Variants in NF1 observed in about 807,000 individuals in gnomAD.
NF1 encodes neurofibromin.
A neutral mutation model predicts 325.7 loss-of-function variants in NF1; 122 were observed. That is an observed-to-expected ratio of 0.37 (90% CI 0.32 to 0.44). The LOEUF (loss-of-function observed/expected upper bound fraction) is 0.44. Among genes scored for constraint, NF1 ranks in the 20% least tolerant of loss-of-function variants. NF1 has a pLI of 1.00. For missense variants in NF1, 2,140 were observed against 3,415.4 expected (o/e 0.63, Z 9.31); for synonymous variants, 1,091 against 1,186.0 (o/e 0.92, Z 1.65).
intron 57 of NF1, among the ~76,000 whole-genome samples, chr17:31,362,590 TC>T (rs1423071462): frequency 2.0e-5 from 3 of 152,252 alleles, no homozygotes; most frequent in Non-Finnish European, 2.9e-5. Context: ...ATTACTTCTG[TC>T]TGCCTTGCCT....
At position 31,115,556 on chromosome 17, in the gene NF1, A is replaced by G. The variant is rs541246446; in HGVS notation, c.60+20187A>G. Among the ~76,000 whole-genome samples the G allele has an allele frequency of 2.6e-5, 4 of 152,284 alleles. No individual in the cohort carries two copies. In the East Asian group the frequency reaches 7.7e-4, roughly 29 times the overall value. On this transcript the variant is annotated intron_variant, in intron 1 of 57. Coordinates refer to ENST00000358273, the MANE Select transcript of NF1 (RefSeq NM_001042492.3). ...TTGTATTCTAGCTATGGGGAAAACAATATTGTATATTGCTCATTGATCCAC... is the reference window on the plus strand; with the variant it reads ...TTGTATTCTAGCTATGGGGAAAACAGTATTGTATATTGCTCATTGATCCAC...
At chr17:31,117,640 T>C (rs1268496780) in intron 1 of NF1, among the ~76,000 whole-genome samples, 1 of 111,662 alleles carries the variant, frequency 9.0e-6, no homozygotes, top group Admixed American at 1.4e-4. Flanking sequence ...GCCTCTGCAC[T>C]CCAGCCTGGG....
chr17:31,106,097 G>T (rs1034164209), intron 1 of NF1, among the ~76,000 whole-genome samples: 4 of 152,300 alleles, frequency 2.6e-5, no homozygotes, highest in Non-Finnish European at 5.9e-5. Flanking sequence ...TTGGGCATGA[G>T]AAAACAACTT....
At position 31,232,685 on chromosome 17, in the gene NF1, C is replaced by T. The variant is rs773413104; in HGVS notation, c.3315-15C>T. The stretch of plus-strand genomic sequence containing the variant: ...CGGCCTTCACTATGTAAAGGTCAGT[C>T]TTTTTATTTCTCAGATACTTCACAT... On this transcript the variant is annotated splice_polypyrimidine_tract_variant and intron_variant, in intron 25 of 57. Coordinates refer to ENST00000358273, the MANE Select transcript of NF1 (RefSeq NM_001042492.3). 1 of 1,612,632 alleles carries T rather than the reference C, an allele frequency of 6.2e-7. No homozygotes were observed. Among genetic ancestry groups the T allele is most frequent in the Non-Finnish European group, 8.5e-7 (1 of 1,179,196 alleles).
At chr17:31,161,084 A>C in intron 3 of NF1, among the ~76,000 whole-genome samples, 1 of 152,228 alleles carries the variant, frequency 6.6e-6, no homozygotes, top group Middle Eastern at 3.2e-3. Context: ...AACGGAGCTC[A>C]CAAGTATACG....
At chr17:31,104,160 C>T (rs1912638884) in intron 1 of NF1, among the ~76,000 whole-genome samples, 1 of 152,056 alleles carries the variant, frequency 6.6e-6, no homozygotes, top group Non-Finnish European at 1.5e-5. Flanking sequence ...TTATTTTTTA[C>T]ATCTTTGTTC....
At chr17:31,310,938 T>C (rs1483320658) in intron 36 of NF1, among the ~76,000 whole-genome samples, 1 of 151,266 alleles carries the variant, frequency 6.6e-6, no homozygotes, top group Non-Finnish European at 1.5e-5. Flanking sequence ...ATAAGACATG[T>C]TCTTTTTTTT....
chr17:31,198,628 T>TG (rs112694618), intron 8 of NF1, among the ~76,000 whole-genome samples: 2,280 of 148,894 alleles, frequency 0.015, 74 homozygotes, highest in African/African-American at 0.054. Context: ...GTTGAGGGGG[T>TG]GGGGGGGATA....
intron 8 of NF1, among the ~76,000 whole-genome samples, chr17:31,187,981 C>T (rs1041540577): frequency 2.2e-4 from 33 of 152,128 alleles, no homozygotes; most frequent in African/African-American, 7.7e-4. Flanking sequence ...TACTCCATAG[C>T]GGAGGTAAAG....
chr17:31,159,932 A>G (rs1156354739), intron 3 of NF1, among the ~76,000 whole-genome samples: 1 of 152,156 alleles, frequency 6.6e-6, no homozygotes, highest in East Asian at 1.9e-4. Context: ...CTATAGTGAA[A>G]CTAGTTGAAA....
chr17:31,277,594 T>C (rs902526703), intron 36 of NF1, among the ~76,000 whole-genome samples: 2 of 152,140 alleles, frequency 1.3e-5, no homozygotes, highest in African/African-American at 2.4e-5. Flanking sequence ...GAGGGTATCA[T>C]TGGGCTCCCC....
At chr17:31,121,902 A>G (rs1367739083) in intron 1 of NF1, among the ~76,000 whole-genome samples, 1 of 152,148 alleles carries the variant, frequency 6.6e-6, no homozygotes, top group African/African-American at 2.4e-5. Context: ...TCATCCTACA[A>G]AAATTATTCT....
At chr17:31,312,003 A>G (rs982018006) in intron 36 of NF1, among the ~76,000 whole-genome samples, 2 of 152,214 alleles carry the variant, frequency 1.3e-5, no homozygotes, top group Non-Finnish European at 2.9e-5. Context: ...AAGAATTTGG[A>G]ATGGTTTCTA....
intron 8 of NF1, among the ~76,000 whole-genome samples, chr17:31,185,193 C>T (rs1195718406): frequency 1.3e-5 from 2 of 152,202 alleles, no homozygotes; most frequent in Non-Finnish European, 2.9e-5. Context: ...CCACCCCCAA[C>T]ACCCCTGTTT....
intron 1 of NF1, among the ~76,000 whole-genome samples, chr17:31,097,805 T>A (rs568664326): frequency 2.6e-5 from 4 of 152,250 alleles, no homozygotes; most frequent in African/African-American, 9.6e-5. Flanking sequence ...CACGTGATTC[T>A]CCTGCTTCAG....
intron 36 of NF1, among the ~76,000 whole-genome samples, chr17:31,288,593 G>T (rs2068287460): frequency 6.7e-6 from 1 of 149,056 alleles, no homozygotes; most frequent in Non-Finnish European, 1.5e-5. Flanking sequence ...CTGGAGTGCA[G>T]TGGCATGATC....
chr17:31,200,939 G>A lies in NF1; in HGVS notation c.1063-98G>A, dbSNP rs563517462. 5 of 1,541,184 alleles carry A rather than the reference G, an allele frequency of 3.2e-6. No individual in the cohort carries two copies. In the African/African-American group the frequency reaches 6.8e-5, roughly 21 times the overall value. ...CTTCTTCTGGCAGCTGGATTTTACT[G>A]CCATTTGTGTGGGTAATGTGTTGAT... On this transcript the variant is annotated intron_variant, in intron 9 of 57. Transcript: ENST00000358273.
chr17:31,349,141 C>G lies in NF1; in HGVS notation c.7211C>G (p.Ala2404Gly), dbSNP rs771706364. Reference protein sequence around the residue: ...LLKGYRHPSPAIVARTVRILH... With the variant: ...LLKGYRHPSPGIVARTVRILH... Reference sequence around the variant, plus strand: ...GTAGGGTACAGGCATCCTTCACCTGCTATTGTTGCAAGAACAGTCAGAATT... The same window carrying G: ...GTAGGGTACAGGCATCCTTCACCTGGTATTGTTGCAAGAACAGTCAGAATT... The change falls in exon 49 of 58, where the codon GCT becomes GGT. Residue 2404 changes from alanine to glycine, a missense_variant. Coordinates refer to ENST00000358273, the MANE Select transcript of NF1 (RefSeq NM_001042492.3). The G allele has an allele frequency of 6.2e-7, 1 of 1,603,700 alleles. No individual in the cohort carries two copies. The highest frequency in any genetic ancestry group is 8.5e-7 in the Non-Finnish European group (1 of 1,174,286).
chr17:31,283,278 G>C (rs548785574), intron 36 of NF1, among the ~76,000 whole-genome samples: 2 of 151,946 alleles, frequency 1.3e-5, no homozygotes, highest in Non-Finnish European at 1.5e-5. Context: ...TTAGCTGGTC[G>C]TGGTGGCGGG....
Sources: gnomAD v4.1 joint callset for allele counts (sites outside exome capture counted in the v4.1 genomes callset) on GRCh38, gnomAD v4.1.1 for gene constraint, MANE v1.5 for transcripts, NCBI Gene and HGNC (gene_info 2026-07-23, HGNC 2026-07-21) for gene names.